Variants in HEYL observed in about 807,000 individuals in gnomAD.
HEYL encodes hes related family bHLH transcription factor with YRPW motif like, also known as hairy/enhancer-of-split related with YRPW motif-like protein.
In HEYL, 12 loss-of-function variants were observed where a neutral mutation model predicts 18.6. The ratio of observed to expected loss-of-function variants is 0.65; its 90% CI spans 0.41 to 1.05. HEYL has a LOEUF of 1.05. HEYL is among the 50% of genes least tolerant of loss of function. The pLI is 0.00. For synonymous variants in HEYL, 159 were observed against 179.6 expected, an observed-to-expected ratio of 0.89 and a Z score of 0.91; for missense variants, 420 against 444.7, an observed-to-expected ratio of 0.94 and a Z score of 0.50.
chr1:39,632,947 T>C (rs1646342994), intron 1 of HEYL: 9 of 984,496 alleles, frequency 9.1e-6, no homozygotes, highest in African/African-American at 5.2e-5. Flanking sequence ...CGCTCCTCGC[T>C]CCTCGCCCCT....
intron 1 of HEYL, chr1:39,633,105 C>A: frequency 1.0e-6 from 1 of 983,892 alleles, no homozygotes; most frequent in Non-Finnish European, 1.2e-6. Context: ...CCGCTGGGAA[C>A]GAGCGTGGAA....
Position 39,625,942 on chromosome 1 carries a change from G to C in HEYL, c.*565C>G, listed in dbSNP as rs563024194. ...GAGAAAGGGTCTGTCCTGTGGTTCA[G>C]TGTGATGGTGTGGCCCAAGGACAGG... is the stretch of plus-strand genomic sequence containing the variant. On this transcript the variant is annotated 3_prime_UTR_variant, in exon 5 of 5. Transcript: ENST00000372852. 6.5e-6 allele frequency: 1 copy of C among 152,728 alleles called. No individual in the cohort carries two copies. Among genetic ancestry groups the C allele is most frequent in the Non-Finnish European group, 1.5e-5 (1 of 68,428 alleles). 9.5% of individuals were successfully genotyped at this position (152,728 alleles called of 1,614,324 possible). A position where few individuals can be genotyped will look rare whatever the true frequency, so the allele number is the denominator to read the frequency against.
At chr1:39,633,661 A>T (rs570100048) in intron 1 of HEYL, 3 of 152,330 alleles carry the variant, frequency 2.0e-5, no homozygotes, top group Admixed American at 6.5e-5. Flanking sequence ...AACAAACAAC[A>T]AACAAGGTGA....
chr1:39,631,433 G>C (rs1236577604), intron 3 of HEYL, 63 bp downstream of exon 3: 28 of 1,435,826 alleles, frequency 2.0e-5, no homozygotes, highest in Non-Finnish European at 2.6e-5. Flanking sequence ...GATGCCATGA[G>C]AAACGAACCT....
intron 4 of HEYL, among the ~76,000 whole-genome samples, chr1:39,628,105 T>G (rs918102090): frequency 1.8e-4 from 27 of 152,318 alleles, no homozygotes; most frequent in African/African-American, 5.8e-4. Context: ...ACTGGTCTCA[T>G]GACGATGGCA....
rs145480613 is a variant in HEYL, at chr1:39,632,295, G to A, written c.147+354C>T. On this transcript the variant is annotated intron_variant, in intron 2 of 4. Coordinates refer to ENST00000372852, the MANE Select transcript of HEYL (RefSeq NM_014571.4). The stretch of plus-strand genomic sequence containing the variant: ...CCCCTCCCCCACCCCGGCACACTGA[G>A]GGGGATGAAAGTTCTGGACTCAGAG... Among the ~76,000 whole-genome samples, 579 of 152,348 alleles carry A rather than the reference G, an allele frequency of 3.8e-3. 11 individuals are homozygous for A. The highest frequency in any genetic ancestry group is 0.013 in the African/African-American group (529 of 41,582).
chr1:39,630,750 C>T (rs908654481), intron 3 of HEYL, among the ~76,000 whole-genome samples: 1 of 152,238 alleles, frequency 6.6e-6, no homozygotes, highest in Non-Finnish European at 1.5e-5. Context: ...TCAATGTGCC[C>T]AAGATCTAGC....
At chr1:39,631,687 A>T (rs1646334455) in intron 2 of HEYL, 108 bp from the exon 3 acceptor site, 1 of 838,554 alleles carries the variant, frequency 1.2e-6, no homozygotes, top group Non-Finnish European at 2.0e-6. Context: ...TGTGAGGGAG[A>T]TCAATCTAGT....
chr1:39,627,454 TTAA>T (rs1337972109), intron 4 of HEYL, among the ~76,000 whole-genome samples: 2 of 152,224 alleles, frequency 1.3e-5, no homozygotes, highest in Admixed American at 1.3e-4. Context: ...CAATTCATGA[TTAA>T]TGCAAAGAAA....
intron 1 of HEYL, chr1:39,633,784 T>TA (rs1266771791): frequency 1.3e-5 from 2 of 152,526 alleles, no homozygotes. Flanking sequence ...TCAGTGAAGG[T>TA]ACCCCAGTTC....
At chr1:39,637,765 T>C (rs1646368237) in intron 1 of HEYL, among the ~76,000 whole-genome samples, 1 of 152,218 alleles carries the variant, frequency 6.6e-6, no homozygotes, top group African/African-American at 2.4e-5. Flanking sequence ...ATGTAAGCAG[T>C]TGCCCAGATG....
intron 1 of HEYL, among the ~76,000 whole-genome samples, chr1:39,634,694 T>C (rs1430346324): frequency 1.3e-5 from 2 of 152,204 alleles, no homozygotes; most frequent in Non-Finnish European, 2.9e-5. Flanking sequence ...TGCTCAATAC[T>C]CTCCTAGCAC....
In HEYL at chr1:39,631,595, A is replaced by G. The variant is rs1331835600; in HGVS notation, c.148-16T>C. The G allele has an allele frequency of 1.9e-6, 3 of 1,610,696 alleles. No homozygotes were observed. The highest frequency in any genetic ancestry group is 1.3e-5 in the African/African-American group (1 of 74,864). On this transcript the variant is annotated splice_polypyrimidine_tract_variant and intron_variant, in intron 2 of 4. Coordinates refer to ENST00000372852, the MANE Select transcript of HEYL (RefSeq NM_014571.4). ...TCTCTATGATCTAAACAATCATGACAAGAAGTTACTCACAGGTGTGTCATC... is the reference window on the plus strand; with the variant it reads ...TCTCTATGATCTAAACAATCATGACGAGAAGTTACTCACAGGTGTGTCATC...
intron 2 of HEYL, among the ~76,000 whole-genome samples, chr1:39,632,141 G>A (rs1646336775): frequency 6.6e-6 from 1 of 152,238 alleles, no homozygotes; most frequent in Non-Finnish European, 1.5e-5. Context: ...GTCAGTGAGT[G>A]TCAGGCTGCT....
Position 39,626,647 on chromosome 1 carries a change from G to T in HEYL, c.847C>A (p.Pro283Thr). Residue 283 changes from proline (P) to threonine (T), a missense_variant, in exon 5 of 5, where the codon CCC (proline) becomes ACC (threonine). By Grantham distance (38) the Pro-to-Thr change is conservative. Transcript: ENST00000372852. ...GCAGCCGACCCTGTAGGACCAGGGG[G>T]TGTTGGGGAGGAAGACTGCAGGAGG... ...APLLQSSSPT[P>T]PGPTGSAAYV... is the part of the protein sequence containing the mutation. 2.0e-6 allele frequency: 3 copies of T among 1,533,770 alleles called. No homozygotes were observed. The highest frequency in any genetic ancestry group is 2.6e-6 in the Non-Finnish European group (3 of 1,142,070).
At chr1:39,628,629 G>A (rs887573730) in intron 4 of HEYL, among the ~76,000 whole-genome samples, 12 of 151,200 alleles carry the variant, frequency 7.9e-5, no homozygotes, top group African/African-American at 2.4e-4. Context: ...ACGGAGTCTC[G>A]CTCTGTCGCC....
intron 3 of HEYL, 73 bp from the exon 4 acceptor site, chr1:39,630,381 T>A: frequency 4.2e-6 from 5 of 1,185,110 alleles, no homozygotes; most frequent in Non-Finnish European, 6.3e-6. Flanking sequence ...CAGCACTCAC[T>A]GTCTCGATTT....
In HEYL at chr1:39,625,148, A is replaced by C. The variant is rs538642690; in HGVS notation, c.*1359T>G. On this transcript the variant is annotated 3_prime_UTR_variant, in exon 5 of 5. Coordinates refer to ENST00000372852, the MANE Select transcript of HEYL (RefSeq NM_014571.4). Reference sequence around the variant, plus strand: ...TCGTAGGAGTCCTGGGGGAAGTGCCAGGCGGTGGGGGGCACCTGGAGTCAC... The same window carrying C: ...TCGTAGGAGTCCTGGGGGAAGTGCCCGGCGGTGGGGGGCACCTGGAGTCAC... 6.6e-6 allele frequency: 1 copy of C among 152,382 alleles called. No individual in the cohort carries two copies. Among genetic ancestry groups the C allele is most frequent in the East Asian group, 1.9e-4 (1 of 5,172 alleles). The allele number at this position is 152,382 out of a possible 1,614,324, so 9.4% of individuals were successfully genotyped here.
In HEYL at chr1:39,626,401, C is replaced by T; in HGVS notation, c.*106G>A. ...CTGATGGCTGGAGAACGTGCCTTCA[C>T]ATATGAGCCAGTCCATGAAGCAAAG... On this transcript the variant is annotated 3_prime_UTR_variant, in exon 5 of 5. Coordinates refer to ENST00000372852, the MANE Select transcript of HEYL (RefSeq NM_014571.4). 1.9e-6 allele frequency: 2 copies of T among 1,058,326 alleles called. No individual in the cohort carries two copies. The highest frequency in any genetic ancestry group is 1.7e-5 in the South Asian group (1 of 57,308). The allele number at this position is 1,058,326 out of a possible 1,614,324, so 65.6% of individuals were successfully genotyped here.
Sources: gnomAD v4.1 joint callset for allele counts (sites outside exome capture counted in the v4.1 genomes callset) on GRCh38, gnomAD v4.1.1 for gene constraint, MANE v1.5 for transcripts, NCBI Gene and HGNC (gene_info 2026-07-23, HGNC 2026-07-21) for gene names.